DAPK3: variants seen among roughly 807,000 people sequenced by gnomAD.
The protein encoded by DAPK3 is death-associated protein kinase 3.
A neutral mutation model predicts 30.6 loss-of-function variants in DAPK3; 24 were observed. That is an observed-to-expected ratio of 0.78 (90% CI 0.57 to 1.10). The LOEUF (loss-of-function observed/expected upper bound fraction) is 1.10. DAPK3 is among the 50% of genes least tolerant of loss of function. The probability of loss-of-function intolerance (pLI) is 0.00; values close to 1 mark genes in which losing one functional copy is unlikely to be tolerated. For missense variants in DAPK3, 629 were observed against 657.3 expected (o/e 0.96, Z 0.47); for synonymous variants, 341 against 284.0 (o/e 1.20, Z -2.02).
intron 2 of DAPK3, among the ~76,000 whole-genome samples, chr19:3,966,087 T>A (rs1254432498): frequency 6.6e-6 from 1 of 152,190 alleles, no homozygotes; most frequent in East Asian, 1.9e-4. Flanking sequence ...CTGGCCAGTA[T>A]CCGCATTTTA....
chr19:3,959,443 C>T lies in DAPK3; in HGVS notation c.1023G>A (p.Glu341=). ...EAAAAEEGLR[E]LQRSRRLCHE... Reference sequence around the variant, plus strand: ...GGCAGAGCCGCCGGCTGCGCTGCAGCTCGCGCAGGCCCTCCTCGGCGGCCG... The same window carrying T: ...GGCAGAGCCGCCGGCTGCGCTGCAGTTCGCGCAGGCCCTCCTCGGCGGCCG... Residue 341 remains glutamate (E), a synonymous_variant, in exon 9 of 9, where the codon GAG becomes GAA. Coordinates refer to ENST00000545797, the MANE Select transcript of DAPK3 (RefSeq NM_001348.3). 6.5e-7 allele frequency: 1 copy of T among 1,548,866 alleles called. No individual in the cohort carries two copies. The highest frequency in any genetic ancestry group is 8.7e-7 in the Non-Finnish European group (1 of 1,153,790).
intron 2 of DAPK3, 26 bp downstream of exon 2, chr19:3,969,648 C>G (rs2039614626): frequency 1.3e-6 from 2 of 1,522,546 alleles, no homozygotes. Flanking sequence ...ATCCCTGGAG[C>G]CCAGCCGTGC....
intron 4 of DAPK3, 74 bp downstream of exon 4, chr19:3,964,170 A>G: frequency 7.5e-7 from 1 of 1,332,710 alleles, no homozygotes; most frequent in Non-Finnish European, 1.0e-6. Flanking sequence ...ACCGGGCATG[A>G]CCCACCCCAC....
chr19:3,958,535 G>A lies in DAPK3; in HGVS notation c.*566C>T, dbSNP rs1273940291. Reference sequence around the variant, plus strand: ...GTCCACAGGCGCGACGATGGGGCTCGCGGAGGAGTCCGCAGCAGGGCACCC... The same window carrying A: ...GTCCACAGGCGCGACGATGGGGCTCACGGAGGAGTCCGCAGCAGGGCACCC... On this transcript the variant is annotated 3_prime_UTR_variant, in exon 9 of 9. Transcript: ENST00000545797. 5 of 456,810 alleles carry A rather than the reference G, an allele frequency of 1.1e-5. No homozygotes were observed. Among genetic ancestry groups the A allele is most frequent in the African/African-American group, 4.0e-5 (2 of 50,202 alleles). The allele number at this position is 456,810 out of a possible 1,614,324, so 28.3% of individuals were successfully genotyped here.
chr19:3,970,644 A>G (rs569869084), intron 1 of DAPK3: 1 of 152,412 alleles, frequency 6.6e-6, no homozygotes, highest in South Asian at 2.0e-4. Flanking sequence ...CATGTATCAA[A>G]GTCCCCCAAC....
intron 1 of DAPK3, 96 bp downstream of exon 1, chr19:3,970,825 G>GGCTC (rs1468442191): frequency 3.3e-5 from 5 of 152,800 alleles, no homozygotes; most frequent in African/African-American, 1.2e-4. Flanking sequence ...CCATCCCTAA[G>GGCTC]GCTCCGCTCC....
chr19:3,963,843 G>T, intron 5 of DAPK3, 28 bp downstream of exon 5: 2 of 1,506,874 alleles, frequency 1.3e-6, no homozygotes, highest in South Asian at 1.1e-5. Flanking sequence ...ATGCAGGGAG[G>T]CCCGGTGGGA....
chr19:3,959,779 C>CTCTCTCGAGAA, intron 8 of DAPK3, 142 bp from the exon 9 acceptor site: 1 of 1,012,528 alleles, frequency 9.9e-7, no homozygotes, highest in Non-Finnish European at 1.4e-6. Flanking sequence ...CAGCCCGACG[C>CTCTCTCGAGAA]AAAGCCGAGA....
At chr19:3,962,288 T>C (rs1268539944) in intron 6 of DAPK3, among the ~76,000 whole-genome samples, 1 of 152,256 alleles carries the variant, frequency 6.6e-6, no homozygotes, top group East Asian at 1.9e-4. Flanking sequence ...CTGTTGCTCC[T>C]TTGTAAGTCT....
Position 3,958,987 on chromosome 19 carries a change from G to A in DAPK3, c.*114C>T, listed in dbSNP as rs537929933. The A allele has an allele frequency of 7.3e-6, 5 of 682,022 alleles. No individual in the cohort carries two copies. In the Admixed American group the frequency reaches 1.2e-4, roughly 17 times the overall value. 42.2% of individuals were successfully genotyped at this position (682,022 alleles called of 1,614,324 possible). A position where few individuals can be genotyped will look rare whatever the true frequency, so the allele number is the denominator to read the frequency against. On this transcript the variant is annotated 3_prime_UTR_variant, in exon 9 of 9. Coordinates refer to ENST00000545797, the MANE Select transcript of DAPK3 (RefSeq NM_001348.3). The stretch of plus-strand genomic sequence containing the variant: ...CTCCTCCCACTCCGCCTCCAGCCTG[G>A]TGGCGCTGGGCAAGGACAGGCACCC...
At chr19:3,960,269 G>C (rs886680214) in intron 7 of DAPK3, among the ~76,000 whole-genome samples, 165 bp from the exon 8 acceptor site, 2 of 152,100 alleles carry the variant, frequency 1.3e-5, no homozygotes, top group African/African-American at 4.8e-5. Context: ...GGGGTTTTCT[G>C]GGGGGTGGTG....
rs751550544 is a variant in DAPK3 at position 3,959,302 on chromosome 19, G to A, written c.1164C>T (p.Thr388=). Residue 388 remains threonine, a synonymous_variant, in exon 9 of 9, where the codon ACC becomes ACT. Transcript: ENST00000545797. ...CCTGCGCCTGCCGCTTGAGCGCCTC[G>A]GTCTTGAGCAGCTCCTGCCGTAGCC... ...LRRLRQELLK[T]EALKRQAQEE... 1.3e-6 allele frequency: 2 copies of A among 1,595,788 alleles called. No individual in the cohort carries two copies. Among genetic ancestry groups the A allele is most frequent in the Non-Finnish European group, 1.7e-6 (2 of 1,177,906 alleles).
chr19:3,966,048 T>C (rs1024265105), intron 2 of DAPK3, among the ~76,000 whole-genome samples: 1 of 152,068 alleles, frequency 6.6e-6, no homozygotes, highest in African/African-American at 2.4e-5. Flanking sequence ...CCACCCCAAG[T>C]GTTGGCAGTA....
chr19:3,963,588 G>T, intron 6 of DAPK3, 55 bp downstream of exon 6: 1 of 1,213,274 alleles, frequency 8.2e-7, no homozygotes, highest in South Asian at 1.5e-5. Context: ...ACACGGAGCC[G>T]GGGACCCATG....
At chr19:3,969,506 CGG>C (rs1040475592) in intron 2 of DAPK3, among the ~76,000 whole-genome samples, 166 bp downstream of exon 2, 1 of 152,148 alleles carries the variant, frequency 6.6e-6, no homozygotes, top group Non-Finnish European at 1.5e-5. Context: ...AATTCACAGC[CGG>C]GGCTGTCTGA....
At chr19:3,966,854 G>A (rs2039582434) in intron 2 of DAPK3, among the ~76,000 whole-genome samples, 1 of 152,156 alleles carries the variant, frequency 6.6e-6, no homozygotes, top group African/African-American at 2.4e-5. Flanking sequence ...CGGTCTCACT[G>A]GCCACAGACT....
chr19:3,959,437 CT>C lies in DAPK3; in HGVS notation c.1028del (p.Gln343ArgfsTer85). On this transcript the variant is annotated frameshift_variant, in exon 9 of 9. Transcript: ENST00000545797. LOFTEE classifies it low-confidence loss of function (END_TRUNC). ...AAAEEGLREL[Q>X]RSRRLCHEDV... The stretch of plus-strand genomic sequence containing the variant: ...CCTCGTGGCAGAGCCGCCGGCTGCG[CT>C]GCAGCTCGCGCAGGCCCTCCTCGGC... 1 of 1,549,922 alleles carries C rather than the reference CT, an allele frequency of 6.5e-7. No homozygotes were observed. Among genetic ancestry groups the C allele is most frequent in the East Asian group, 2.4e-5 (1 of 42,230 alleles).
chr19:3,960,453 C>T (rs571012788), intron 7 of DAPK3, among the ~76,000 whole-genome samples: 5 of 152,006 alleles, frequency 3.3e-5, no homozygotes, highest in African/African-American at 4.8e-5. Context: ...CTTTACACAC[C>T]GGCAACTAAT....
chr19:3,968,648 G>A (rs895817724), intron 2 of DAPK3, among the ~76,000 whole-genome samples: 1 of 152,130 alleles, frequency 6.6e-6, no homozygotes, highest in Non-Finnish European at 1.5e-5. Flanking sequence ...ACCCCTAGCA[G>A]GAGGGGTCAA....
Sources: gnomAD v4.1 joint callset for allele counts (sites outside exome capture counted in the v4.1 genomes callset) on GRCh38, gnomAD v4.1.1 for gene constraint, MANE v1.5 for transcripts, NCBI Gene and HGNC (gene_info 2026-07-23, HGNC 2026-07-21) for gene names.